The following ZFPM2 variants were observed in gnomAD, a reference collection of about 807,000 sequenced individuals.
ZFPM2 encodes zinc finger protein ZFPM2.
In ZFPM2, 20 loss-of-function variants were observed where a neutral mutation model predicts 98.6. The observed-to-expected ratio is 0.20, with a 90% CI of 0.14 to 0.29. ZFPM2 has a LOEUF of 0.29. Ranked by LOEUF, ZFPM2 falls within the 10% of genes least tolerant of loss-of-function variation. ZFPM2 has a pLI of 1.00. For synonymous variants in ZFPM2, 518 were observed against 502.7 expected, an observed-to-expected ratio of 1.03 and a Z score of -0.41; for missense variants, 1,310 against 1,388.6, an observed-to-expected ratio of 0.94 and a Z score of 0.90.
intron 5 of ZFPM2, among the ~76,000 whole-genome samples, chr8:105,683,458 C>T (rs1810658785): frequency 6.6e-6 from 1 of 152,130 alleles, no homozygotes; most frequent in African/African-American, 2.4e-5. Context: ...AGAGAAATTA[C>T]ACAATGGATG....
At chr8:105,766,459 C>T (rs183742177) in intron 5 of ZFPM2, among the ~76,000 whole-genome samples, 240 of 151,962 alleles carry the variant, frequency 1.6e-3, no homozygotes, top group African/African-American at 4.1e-3. Flanking sequence ...GAGTGGGGAA[C>T]AGGATCAGAC....
intron 5 of ZFPM2, among the ~76,000 whole-genome samples, chr8:105,740,557 TAC>T (rs929766202): frequency 7.5e-4 from 111 of 147,844 alleles, no homozygotes; most frequent in African/African-American, 2.0e-3. Context: ...TATATATATA[TAC>T]ATGTGTTATA....
chr8:105,426,674 G>T (rs1442814995), intron 2 of ZFPM2, among the ~76,000 whole-genome samples: 1 of 152,096 alleles, frequency 6.6e-6, no homozygotes. Context: ...ATAGGCCGGG[G>T]CGGTGGCTCA....
intron 1 of ZFPM2, among the ~76,000 whole-genome samples, chr8:105,331,816 A>G (rs548872757): frequency 3.9e-4 from 59 of 151,906 alleles, no homozygotes; most frequent in African/African-American, 1.3e-3. Context: ...ATTACATTTT[A>G]AAAGGTAACA....
intron 5 of ZFPM2, among the ~76,000 whole-genome samples, chr8:105,703,068 C>G (rs374320521): frequency 6.6e-6 from 1 of 152,102 alleles, no homozygotes; most frequent in African/African-American, 2.4e-5. Flanking sequence ...CCCCCCGCCC[C>G]GCGCCCAACA....
Position 105,500,000 on chromosome 8 carries a change from G to A in ZFPM2, c.301+55619G>A, listed in dbSNP as rs139381525. ...CACCAAATAATCTTGGATACGTTTT[G>A]TTTCGCATTTTGGTGAAACAGTTAC... On this transcript the variant is annotated intron_variant, in intron 3 of 7. Transcript: ENST00000407775. Among the ~76,000 whole-genome samples, 9 of 152,256 alleles carry A rather than the reference G, an allele frequency of 5.9e-5. No individual in the cohort carries two copies. In the East Asian group the frequency reaches 1.7e-3, roughly 29 times the overall value.
intron 5 of ZFPM2, among the ~76,000 whole-genome samples, chr8:105,701,552 A>G (rs1326130495): frequency 6.6e-6 from 1 of 152,256 alleles, no homozygotes; most frequent in East Asian, 1.9e-4. Context: ...AACACTTTCT[A>G]ATAAATCTGC....
chr8:105,603,277 G>C (rs1816130270), intron 4 of ZFPM2, among the ~76,000 whole-genome samples: 1 of 152,170 alleles, frequency 6.6e-6, no homozygotes, highest in South Asian at 2.1e-4. Context: ...ATGGTATATA[G>C]GGATACTCAA....
At chr8:105,469,937 T>G (rs995768854) in intron 3 of ZFPM2, among the ~76,000 whole-genome samples, 1 of 152,218 alleles carries the variant, frequency 6.6e-6, no homozygotes, top group South Asian at 2.1e-4. Context: ...AACTTTTAGC[T>G]AACATAATTA....
chr8:105,739,362 G>A (rs1365958074), intron 5 of ZFPM2, among the ~76,000 whole-genome samples: 2 of 151,990 alleles, frequency 1.3e-5, no homozygotes, highest in Non-Finnish European at 2.9e-5. Flanking sequence ...CTGTTTCCCC[G>A]AATTGTTGGA....
chr8:105,435,864 A>G (rs1277399575), intron 2 of ZFPM2, among the ~76,000 whole-genome samples: 2 of 152,208 alleles, frequency 1.3e-5, no homozygotes, highest in Non-Finnish European at 2.9e-5. Flanking sequence ...ATTTGTAATC[A>G]CTTATTTTTC....
chr8:105,487,892 G>A (rs1357609915), intron 3 of ZFPM2, among the ~76,000 whole-genome samples: 38 of 103,448 alleles, frequency 3.7e-4, no homozygotes, highest in East Asian at 9.0e-4. Context: ...AAGTCTGTCT[G>A]TCTATCTATC....
At chr8:105,497,342 G>A (rs1350057799) in intron 3 of ZFPM2, among the ~76,000 whole-genome samples, 1 of 152,012 alleles carries the variant, frequency 6.6e-6, no homozygotes, top group Non-Finnish European at 1.5e-5. Context: ...AATCCAGTGT[G>A]ACAGAAAAAG....
chr8:105,331,285 C>CTATG (rs1812229744), intron 1 of ZFPM2, among the ~76,000 whole-genome samples: 1 of 151,378 alleles, frequency 6.6e-6, no homozygotes, highest in Non-Finnish European at 1.5e-5. Flanking sequence ...GACTGCAATT[C>CTATG]TATGATTAAT....
chr8:105,750,646 C>T (rs565703194), intron 5 of ZFPM2, among the ~76,000 whole-genome samples: 1 of 151,882 alleles, frequency 6.6e-6, no homozygotes, highest in African/African-American at 2.4e-5. Flanking sequence ...TCTGTTTTGA[C>T]GATGAAATTT....
At chr8:105,343,398 A>C (rs1812464086) in intron 1 of ZFPM2, among the ~76,000 whole-genome samples, 1 of 152,162 alleles carries the variant, frequency 6.6e-6, no homozygotes, top group Admixed American at 6.6e-5. Context: ...CCCCCAGGAT[A>C]ACAGTCAGGC....
chr8:105,672,844 G>A (rs1362270000), intron 5 of ZFPM2, among the ~76,000 whole-genome samples: 1 of 152,184 alleles, frequency 6.6e-6, no homozygotes, highest in African/African-American at 2.4e-5. Context: ...AATCATGGAC[G>A]TTAGTTTTCC....
intron 1 of ZFPM2, among the ~76,000 whole-genome samples, chr8:105,330,593 TACATATATATATATATAC>T (rs1485006074): frequency 2.5e-5 from 1 of 40,416 alleles, no homozygotes; most frequent in Non-Finnish European, 4.5e-5. Context: ...TATATATATA[TACATATATATATATATAC>T]ACATATATAT....
chr8:105,794,380 C>T (rs557193271), intron 6 of ZFPM2, among the ~76,000 whole-genome samples: 2 of 152,164 alleles, frequency 1.3e-5, no homozygotes, highest in Non-Finnish European at 2.9e-5. Context: ...GCAGCGGTGT[C>T]TGCAGAACAG....
Sources: allele counts gnomAD v4.1 joint callset (sites outside exome capture counted in the v4.1 genomes callset), GRCh38; gene constraint gnomAD v4.1.1; transcripts MANE v1.5; gene names NCBI Gene and HGNC (gene_info 2026-07-23, HGNC 2026-07-21).